MIB1: variants seen among roughly 807,000 people sequenced by gnomAD.
The protein encoded by MIB1 is E3 ubiquitin-protein ligase MIB1.
Under a neutral mutation model 124.5 loss-of-function variants are expected in MIB1, and 278 were observed. The observed-to-expected ratio is 2.23, with a 90% CI of 2.02 to 2.47. MIB1 has a LOEUF of 2.47. Among genes scored for constraint, MIB1 ranks in the 30% most tolerant of loss-of-function variants. The pLI, the probability that MIB1 is intolerant of heterozygous loss-of-function variation, is 0.00. For synonymous variants in MIB1, 446 were observed against 429.4 expected, an observed-to-expected ratio of 1.04 and a Z score of -0.48; for missense variants, 957 against 1,254.4, an observed-to-expected ratio of 0.76 and a Z score of 3.58.
intron 10 of MIB1, among the ~76,000 whole-genome samples, chr18:21,812,090 G>A (rs1242509609): frequency 6.6e-6 from 1 of 152,156 alleles, no homozygotes; most frequent in Middle Eastern, 3.2e-3. Flanking sequence ...GTGAGAAATG[G>A]TATAATAAAT....
At chr18:21,734,849 T>C (rs113656376) in intron 1 of MIB1, among the ~76,000 whole-genome samples, 83 of 152,338 alleles carry the variant, frequency 5.4e-4, no homozygotes, top group African/African-American at 1.8e-3. Flanking sequence ...TTCAAACTAA[T>C]GTCTTATCCT....
intron 12 of MIB1, among the ~76,000 whole-genome samples, chr18:21,834,305 T>A (rs924465995): frequency 2.6e-5 from 4 of 152,146 alleles, no homozygotes; most frequent in African/African-American, 9.7e-5. Context: ...CCTGTATTAT[T>A]ATTTTTTTTT....
At chr18:21,786,104 GTT>G (rs914144856) in intron 6 of MIB1, among the ~76,000 whole-genome samples, 1 of 146,794 alleles carries the variant, frequency 6.8e-6, no homozygotes. Flanking sequence ...TTGTTTTTCT[GTT>G]TTTTTTTTGA....
intron 10 of MIB1, among the ~76,000 whole-genome samples, chr18:21,810,761 G>C (rs186643842): frequency 2.0e-5 from 3 of 151,834 alleles, no homozygotes; most frequent in Admixed American, 2.0e-4. Flanking sequence ...CTAAAAGTGC[G>C]ATATAAAACT....
intron 12 of MIB1, chr18:21,825,903 A>G (rs2041920874): frequency 1.1e-5 from 4 of 357,666 alleles, no homozygotes; most frequent in South Asian, 6.0e-5. Flanking sequence ...CTGAATGTCA[A>G]ATTTTCCATT....
At chr18:21,747,996 CT>C (rs930192836) in intron 1 of MIB1, among the ~76,000 whole-genome samples, 1 of 152,204 alleles carries the variant, frequency 6.6e-6, no homozygotes, top group Non-Finnish European at 1.5e-5. Context: ...ATCAGACACA[CT>C]TTTCAAAGAG....
At chr18:21,723,112 A>G (rs547555526) in intron 1 of MIB1, among the ~76,000 whole-genome samples, 1 of 152,184 alleles carries the variant, frequency 6.6e-6, no homozygotes, top group East Asian at 1.9e-4. Flanking sequence ...ATCAGTATAG[A>G]CTCAATGTAT....
rs73963239 is a variant in MIB1, at chr18:21,705,763, G to C, written n.167+640G>C. On this transcript the variant is annotated intron_variant and non_coding_transcript_variant, in intron 1 of 20. Transcript: ENST00000578646. ...GGCTCCGATTTGGTCATTGCAACTTGGTGGTTGGCTGCAGCACCCAAAATA... is the reference window on the plus strand; with the variant it reads ...GGCTCCGATTTGGTCATTGCAACTTCGTGGTTGGCTGCAGCACCCAAAATA... 9.5e-3 allele frequency among the ~76,000 whole-genome samples: 1,451 copies of C among 152,300 alleles called. 26 individuals are homozygous for C. The highest frequency in any genetic ancestry group is 0.033 in the African/African-American group (1,360 of 41,544).
At position 21,819,516 on chromosome 18, in the gene MIB1, C is replaced by A; in HGVS notation, c.1699C>A (p.Leu567Ile). The change falls in exon 12 of 21, where the codon CTT becomes ATT. Residue 567 changes from leucine (L) to isoleucine (I), a missense_variant. By Grantham distance (5) the Leu-to-Ile change is conservative. Transcript: ENST00000261537. ...SLQDSEGDTPLHDAISKKRDD... is the reference protein window; with the variant it reads ...SLQDSEGDTPIHDAISKKRDD... ...AAAGGATTCTGAAGGTGATACCCCT[C>A]TTCATGATGCAATAAGTAAGAAACG... 2 of 1,606,884 alleles carry A rather than the reference C, an allele frequency of 1.2e-6. No individual in the cohort carries two copies. Among genetic ancestry groups the A allele is most frequent in the Non-Finnish European group, 1.7e-6 (2 of 1,175,896 alleles).
intron 18 of MIB1, among the ~76,000 whole-genome samples, chr18:21,855,676 G>A (rs12373404): frequency 0.97 from 147,316 of 152,220 alleles, 71,502 homozygotes; most frequent in East Asian, 1. Flanking sequence ...CAGTGTGCAT[G>A]GCAAACTATT....
At chr18:21,768,787 G>A in intron 3 of MIB1, 35 bp downstream of exon 3, 1 of 1,575,150 alleles carries the variant, frequency 6.3e-7, no homozygotes, top group Non-Finnish European at 8.6e-7. Context: ...ATGTATTCTA[G>A]AGTATTATAT....
chr18:21,812,950 A>G (rs1053517400), intron 10 of MIB1, among the ~76,000 whole-genome samples: 1 of 152,186 alleles, frequency 6.6e-6, no homozygotes, highest in African/African-American at 2.4e-5. Context: ...CAGTTTTCTA[A>G]TTTAGAAGAG....
At chr18:21,755,343 T>G (rs988275401) in intron 1 of MIB1, among the ~76,000 whole-genome samples, 2 of 151,938 alleles carry the variant, frequency 1.3e-5, no homozygotes, top group African/African-American at 4.8e-5. Flanking sequence ...GCTTTTTTTT[T>G]TTTTTTGAGA....
intron 3 of MIB1, among the ~76,000 whole-genome samples, chr18:21,771,651 T>C (rs2041225028): frequency 6.6e-6 from 1 of 152,106 alleles, no homozygotes; most frequent in Non-Finnish European, 1.5e-5. Context: ...GAGATGGACA[T>C]AGGGGACTTG....
chr18:21,781,486 T>C (rs2041367769), intron 6 of MIB1, among the ~76,000 whole-genome samples: 1 of 149,592 alleles, frequency 6.7e-6, no homozygotes, highest in Non-Finnish European at 1.5e-5. Flanking sequence ...CGATGTCAGC[T>C]CATTGCAACC....
At chr18:21,717,916 C>T (rs571117477) in intron 1 of MIB1, among the ~76,000 whole-genome samples, 1 of 152,254 alleles carries the variant, frequency 6.6e-6, no homozygotes, top group South Asian at 2.1e-4. Flanking sequence ...GAGGAGAAGT[C>T]ATTATACGAA....
intron 1 of MIB1, among the ~76,000 whole-genome samples, chr18:21,719,242 G>C (rs967344004): frequency 6.6e-6 from 1 of 151,876 alleles, no homozygotes; most frequent in Admixed American, 6.6e-5. Context: ...AGGCTGAGGT[G>C]GGAGGATTGC....
chr18:21,855,666 C>T (rs149925705), intron 18 of MIB1, among the ~76,000 whole-genome samples: 2 of 152,282 alleles, frequency 1.3e-5, no homozygotes, highest in East Asian at 3.9e-4. Flanking sequence ...CTCCATCCAG[C>T]AGTGTGCATG....
chr18:21,784,746 G>T (rs2041414532), intron 6 of MIB1, among the ~76,000 whole-genome samples: 1 of 152,138 alleles, frequency 6.6e-6, no homozygotes, highest in Non-Finnish European at 1.5e-5. Context: ...GCCACTAGAG[G>T]GCTCGTTGGT....
Sources: allele counts gnomAD v4.1 joint callset (sites outside exome capture counted in the v4.1 genomes callset), GRCh38; gene constraint gnomAD v4.1.1; transcripts MANE v1.5; gene names NCBI Gene and HGNC (gene_info 2026-07-23, HGNC 2026-07-21).